Variants in N4BP1 observed in about 807,000 individuals in gnomAD.
The protein encoded by N4BP1 is NEDD4 binding protein 1.
N4BP1 carries 21 observed loss-of-function variants against 70.9 expected under a neutral mutation model. The observed-to-expected ratio is 0.30, with a 90% CI of 0.21 to 0.43. The LOEUF is 0.43. N4BP1 is among the 20% of genes least tolerant of loss of function. The pLI is 1.00. For missense variants in N4BP1, 936 were observed against 1,069.4 expected, an observed-to-expected ratio of 0.88 and a Z score of 1.74; for synonymous variants, 387 against 394.6, an observed-to-expected ratio of 0.98 and a Z score of 0.23.
At chr16:48,603,731 T>C (rs1311070208) in intron 1 of N4BP1, 2 of 152,004 alleles carry the variant, frequency 1.3e-5, no homozygotes, top group African/African-American at 4.8e-5. Flanking sequence ...GATTCTAAGC[T>C]CCGAAATTAC....
chr16:48,568,560 T>C (rs1963973123), intron 1 of N4BP1, among the ~76,000 whole-genome samples: 1 of 152,192 alleles, frequency 6.6e-6, no homozygotes, highest in African/African-American at 2.4e-5. Context: ...TATCTTTAGT[T>C]TTTCTTCAAC....
intron 4 of N4BP1, among the ~76,000 whole-genome samples, chr16:48,550,900 C>CA (rs1255504364): frequency 3.3e-5 from 5 of 150,856 alleles, no homozygotes; most frequent in Non-Finnish European, 7.4e-5. Context: ...TCTGCGTTGA[C>CA]AGAGTAAGAC....
intron 1 of N4BP1, among the ~76,000 whole-genome samples, chr16:48,602,814 A>G (rs530628962): frequency 6.0e-4 from 90 of 151,256 alleles, no homozygotes; most frequent in Non-Finnish European, 7.2e-4. Flanking sequence ...TAAATAAATA[A>G]ATAAATAAAT....
intron 1 of N4BP1, among the ~76,000 whole-genome samples, chr16:48,583,975 G>A (rs1964208664): frequency 6.6e-6 from 1 of 152,216 alleles, no homozygotes; most frequent in Non-Finnish European, 1.5e-5. Context: ...TACTTCTGCT[G>A]TTTCTCTGTT....
At chr16:48,589,545 T>C (rs1195021032) in intron 1 of N4BP1, among the ~76,000 whole-genome samples, 1 of 152,150 alleles carries the variant, frequency 6.6e-6, no homozygotes, top group Admixed American at 6.5e-5. Flanking sequence ...TATGCATCGC[T>C]TCATCTATAA....
rs555373994 is a variant in N4BP1 at position 48,599,745 on chromosome 16, C to A, written c.198+10030G>T. 3.3e-5 allele frequency among the ~76,000 whole-genome samples: 5 copies of A among 152,290 alleles called. No individual in the cohort carries two copies. In the South Asian group the frequency reaches 1.0e-3, roughly 32 times the overall value. ...TAGCTTGCTTTACTACTAGTGGTCA[C>A]ATGATATAGTTCTAGCCAATTAGAG... On this transcript the variant is annotated intron_variant, in intron 1 of 6. Coordinates refer to ENST00000262384, the MANE Select transcript of N4BP1 (RefSeq NM_153029.4).
At chr16:48,552,736 A>AAAAAAAAAAAAAAAAAAC (rs1963693762) in intron 3 of N4BP1, among the ~76,000 whole-genome samples, 1 of 145,270 alleles carries the variant, frequency 6.9e-6, no homozygotes, top group South Asian at 2.2e-4. Context: ...AAAAAAAAAA[A>AAAAAAAAAAAAAAAAAAC]AAGACTCCTT....
At chr16:48,582,165 T>C (rs1390643237) in intron 1 of N4BP1, among the ~76,000 whole-genome samples, 2 of 152,176 alleles carry the variant, frequency 1.3e-5, no homozygotes, top group South Asian at 2.1e-4. Flanking sequence ...AAAGAAGATA[T>C]ACAAATGGCC....
At chr16:48,604,862 C>T (rs1441194692) in intron 1 of N4BP1, among the ~76,000 whole-genome samples, 1 of 152,164 alleles carries the variant, frequency 6.6e-6, no homozygotes, top group African/African-American at 2.4e-5. Context: ...CTGAGCCCTA[C>T]CATGTAACTG....
intron 1 of N4BP1, among the ~76,000 whole-genome samples, chr16:48,590,893 CTTAG>C (rs140435349): frequency 0.019 from 2,956 of 152,144 alleles, 95 homozygotes; most frequent in South Asian, 0.12. Context: ...TAGGAAGAGT[CTTAG>C]TTAGGAAGAC....
At chr16:48,588,181 G>T (rs868726616) in intron 1 of N4BP1, among the ~76,000 whole-genome samples, 2 of 150,960 alleles carry the variant, frequency 1.3e-5, no homozygotes, top group Middle Eastern at 3.4e-3. Flanking sequence ...GTGATATCAA[G>T]AATAATCTCC....
intron 3 of N4BP1, 146 bp downstream of exon 3, chr16:48,553,393 G>T: frequency 1.5e-6 from 1 of 651,680 alleles, no homozygotes; most frequent in Non-Finnish European, 2.2e-6. Context: ...TTCAATTGAT[G>T]TTTTGCTAGG....
chr16:48,543,586 GGTTTAACA>G, intron 6 of N4BP1, among the ~76,000 whole-genome samples: 1 of 152,256 alleles, frequency 6.6e-6, no homozygotes, highest in African/African-American at 2.4e-5. Flanking sequence ...GCTTTCAAAA[GGTTTAACA>G]GTGTCTTACT....
In N4BP1 at chr16:48,594,010, A is replaced by C. The variant is rs889694232; in HGVS notation, c.198+15765T>G. Among the ~76,000 whole-genome samples, 9 of 150,832 alleles carry C rather than the reference A, an allele frequency of 6.0e-5. No homozygotes were observed. In the East Asian group the frequency reaches 1.5e-3, roughly 26 times the overall value. ...GAGCAAGACTCCGTCTCAAAAAAAA[A>C]AAAAAAAACAAAAAAAAAACCACCT... is the stretch of plus-strand genomic sequence containing the variant. On this transcript the variant is annotated intron_variant, in intron 1 of 6. Coordinates refer to ENST00000262384, the MANE Select transcript of N4BP1 (RefSeq NM_153029.4).
chr16:48,582,375 T>C (rs1555498848), intron 1 of N4BP1, among the ~76,000 whole-genome samples: 2 of 152,222 alleles, frequency 1.3e-5, no homozygotes, highest in Non-Finnish European at 2.9e-5. Context: ...ACGCTGTATA[T>C]ACTACCTGCC....
At chr16:48,586,584 G>A (rs1370434074) in intron 1 of N4BP1, among the ~76,000 whole-genome samples, 1 of 152,086 alleles carries the variant, frequency 6.6e-6, no homozygotes, top group East Asian at 1.9e-4. Context: ...ATAGTTTTGA[G>A]ATTAATCCAC....
intron 1 of N4BP1, among the ~76,000 whole-genome samples, chr16:48,583,926 C>T (rs2151096616): frequency 6.6e-6 from 1 of 152,264 alleles, no homozygotes; most frequent in African/African-American, 2.4e-5. Flanking sequence ...CATTTTGGCT[C>T]CCAGAGTACC....
intron 1 of N4BP1, chr16:48,587,507 CT>C (rs1300508647): frequency 2.0e-5 from 3 of 152,190 alleles, no homozygotes; most frequent in African/African-American, 7.2e-5. Context: ...GCAAGCTATG[CT>C]TTTACAAATG....
chr16:48,590,630 T>A (rs928976289), intron 1 of N4BP1, among the ~76,000 whole-genome samples: 2 of 152,196 alleles, frequency 1.3e-5, no homozygotes, highest in Non-Finnish European at 2.9e-5. Flanking sequence ...ACACTGTCTC[T>A]ACCGACAGGG....
Sources: gnomAD v4.1 joint callset for allele counts (sites outside exome capture counted in the v4.1 genomes callset) on GRCh38, gnomAD v4.1.1 for gene constraint, MANE v1.5 for transcripts, NCBI Gene and HGNC (gene_info 2026-07-23, HGNC 2026-07-21) for gene names.